NEDD9: variants seen among roughly 807,000 people sequenced by gnomAD.
The protein encoded by NEDD9 is enhancer of filamentation 1.
In NEDD9, 26 loss-of-function variants were observed where a neutral mutation model predicts 76.6. The ratio of observed to expected loss-of-function variants is 0.34; its 90% CI spans 0.25 to 0.47. The LOEUF (loss-of-function observed/expected upper bound fraction) is 0.47. Among genes scored for constraint, NEDD9 ranks in the 20% least tolerant of loss-of-function variants. The pLI, the probability that NEDD9 is intolerant of heterozygous loss-of-function variation, is 1.00. For synonymous variants in NEDD9, 392 were observed against 414.2 expected (o/e 0.95, Z 0.65); for missense variants, 937 against 1,058.5 (o/e 0.89, Z 1.59).
Position 11,285,817 on chromosome 6 carries a change from G to A in NEDD9, c.12+20175C>T, listed in dbSNP as rs141166301. ...CACTTGGATATCAGTATTCAAAATA[G>A]TGCACTTCAGTTCATATCTTTCATT... On this transcript the variant is annotated intron_variant, in intron 3 of 3. Coordinates refer to the NEDD9 transcript ENST00000397378. Among the ~76,000 whole-genome samples the A allele has an allele frequency of 2.8e-3, 431 of 152,210 alleles. 4 individuals are homozygous for A. Among genetic ancestry groups the A allele is most frequent in the East Asian group, 2.1e-3 (11 of 5,188 alleles).
chr6:11,330,973 A>G (rs1328221408), intron 2 of NEDD9, among the ~76,000 whole-genome samples: 2 of 152,176 alleles, frequency 1.3e-5, no homozygotes, highest in Non-Finnish European at 2.9e-5. Context: ...CAAATGGAAT[A>G]TTGTGTAGAT....
At chr6:11,319,268 A>G (rs1275854684) in intron 2 of NEDD9, among the ~76,000 whole-genome samples, 1 of 152,204 alleles carries the variant, frequency 6.6e-6, no homozygotes, top group Non-Finnish European at 1.5e-5. Context: ...GTTCAGGGCC[A>G]ACGCCCTTTT....
chr6:11,215,322 G>C (rs1002531110), intron 1 of NEDD9, among the ~76,000 whole-genome samples: 5 of 152,162 alleles, frequency 3.3e-5, no homozygotes, highest in African/African-American at 1.2e-4. Flanking sequence ...AGAGGTGAGC[G>C]GCCAGGGAAG....
Position 11,190,714 on chromosome 6 carries a change from G to T in NEDD9, c.1155C>A (p.Thr385=). 1 of 1,614,170 alleles carries T rather than the reference G, an allele frequency of 6.2e-7. No homozygotes were observed. The highest frequency in any genetic ancestry group is 2.2e-5 in the East Asian group (1 of 44,880). ...STRSNMSTSS[T]SSKESSLSAS... ...CTGACAGTGAGGACTCCTTGGAGGAGGTGGAAGACGTGGACATGTTACTCC... is the reference window on the plus strand; with the variant it reads ...CTGACAGTGAGGACTCCTTGGAGGATGTGGAAGACGTGGACATGTTACTCC... Residue 385 remains threonine (T), a synonymous_variant, in exon 5 of 7, where the codon ACC becomes ACA. Coordinates refer to ENST00000379446, the MANE Select transcript of NEDD9 (RefSeq NM_006403.4). The surrounding 1 kb of genome is among the most constrained non-coding windows in gnomAD (Gnocchi z 5.8).
At chr6:11,342,699 T>C (rs1226590013) in intron 1 of NEDD9, among the ~76,000 whole-genome samples, 1 of 152,158 alleles carries the variant, frequency 6.6e-6, no homozygotes, top group Non-Finnish European at 1.5e-5. Context: ...AAGAGAATAG[T>C]ACCAGGAAGA....
intron 3 of NEDD9, among the ~76,000 whole-genome samples, chr6:11,277,056 G>T (rs1049571431): frequency 2.0e-5 from 3 of 150,890 alleles, no homozygotes; most frequent in African/African-American, 7.4e-5. Flanking sequence ...GGGCTCTGAT[G>T]CCCGGGGGGT....
At chr6:11,299,470 C>T (rs139140712) in intron 3 of NEDD9, among the ~76,000 whole-genome samples, 5,431 of 152,302 alleles carry the variant, frequency 0.036, 198 homozygotes, top group African/African-American at 0.089. Context: ...CAGACTTAAA[C>T]GTCCCTGTCT....
rs1440720421 is a variant in NEDD9, at chr6:11,192,179, T to C, written c.663+166A>G. 2.6e-5 allele frequency among the ~76,000 whole-genome samples: 4 copies of C among 152,312 alleles called. No homozygotes were observed. In the East Asian group the frequency reaches 7.7e-4, roughly 29 times the overall value. ...CTATCTTTAATTAGTGCCTTTCCTT[T>C]TTTGCTTCCTTCCTTTACTCTCACC... On this transcript the variant is annotated intron_variant, in intron 4 of 6. Coordinates refer to ENST00000379446, the MANE Select transcript of NEDD9 (RefSeq NM_006403.4).
intron 3 of NEDD9, among the ~76,000 whole-genome samples, chr6:11,302,703 G>T (rs573212645): frequency 6.6e-6 from 1 of 152,200 alleles, no homozygotes; most frequent in South Asian, 2.1e-4. Context: ...ATGCAAGGCT[G>T]GTTCAACATA....
chr6:11,361,371 G>T (rs184988459), intron 1 of NEDD9, among the ~76,000 whole-genome samples: 2 of 152,280 alleles, frequency 1.3e-5, no homozygotes, highest in East Asian at 3.9e-4. Flanking sequence ...TTCTGGGGAG[G>T]TCTCAGGAGG....
chr6:11,367,186 A>G (rs868335582), intron 1 of NEDD9, among the ~76,000 whole-genome samples: 1 of 152,352 alleles, frequency 6.6e-6, no homozygotes, highest in South Asian at 2.1e-4. Flanking sequence ...TGTCTGGTTA[A>G]AATCACACAC....
intron 2 of NEDD9, among the ~76,000 whole-genome samples, chr6:11,211,095 C>T (rs936643411): frequency 2.0e-5 from 3 of 152,200 alleles, no homozygotes; most frequent in Admixed American, 6.5e-5. Flanking sequence ...AGTTGATTTC[C>T]TCCTGCAGGA....
intron 3 of NEDD9, among the ~76,000 whole-genome samples, chr6:11,270,999 T>G (rs1036860760): frequency 1.3e-5 from 2 of 152,170 alleles, no homozygotes; most frequent in Non-Finnish European, 2.9e-5. Context: ...CAGTCAAGTA[T>G]CACTCTTTTT....
intron 2 of NEDD9, among the ~76,000 whole-genome samples, chr6:11,197,167 G>A (rs577006962): frequency 7.2e-5 from 11 of 152,172 alleles, no homozygotes; most frequent in African/African-American, 2.4e-4. Context: ...AGGCATTAAA[G>A]GAATTGCTAC....
intron 2 of NEDD9, among the ~76,000 whole-genome samples, chr6:11,309,982 G>C (rs1761316337): frequency 6.6e-6 from 1 of 152,192 alleles, no homozygotes. Context: ...AGAGAAATGA[G>C]CTGACTGATC....
chr6:11,323,275 C>T (rs961514005), intron 2 of NEDD9, among the ~76,000 whole-genome samples: 1 of 152,216 alleles, frequency 6.6e-6, no homozygotes, highest in African/African-American at 2.4e-5. Flanking sequence ...CTTTACTATA[C>T]CCCCAGGCCT....
At chr6:11,377,435 T>A (rs115867673) in intron 1 of NEDD9, among the ~76,000 whole-genome samples, 333 of 152,378 alleles carry the variant, frequency 2.2e-3, no homozygotes, top group African/African-American at 7.6e-3. Flanking sequence ...GCCCTAAATG[T>A]AGGACTTGGA....
chr6:11,240,051 A>G (rs1475762549), intron 3 of NEDD9, among the ~76,000 whole-genome samples: 1 of 151,792 alleles, frequency 6.6e-6, no homozygotes, highest in Non-Finnish European at 1.5e-5. Flanking sequence ...TCAAAAAAAA[A>G]AAAAAAAAAA....
At position 11,190,095 on chromosome 6, in the gene NEDD9, C is replaced by T. The variant is rs1306395979; in HGVS notation, c.1774G>A (p.Gly592Ser). Reference protein sequence around the residue: ...GGSQGQLLHPGDHKAQAHNKA... With the variant: ...GGSQGQLLHPSDHKAQAHNKA... ...TTGTGGGCCTGGGCCTTGTGGTCACCAGGATGCAGCAGCTGTCCCTGGGAG... is the reference window on the plus strand; with the variant it reads ...TTGTGGGCCTGGGCCTTGTGGTCACTAGGATGCAGCAGCTGTCCCTGGGAG... The change falls in exon 5 of 7, where the codon GGT (glycine) becomes AGT (serine). Residue 592 changes from glycine (G) to serine (S), a missense_variant. Coordinates refer to ENST00000379446, the MANE Select transcript of NEDD9 (RefSeq NM_006403.4). This position sits in a 1 kb window ranked among gnomAD's most constrained non-coding sequence, Gnocchi z 5.8. The T allele has an allele frequency of 6.2e-7, 1 of 1,609,566 alleles. No individual in the cohort carries two copies.
Sources: gnomAD v4.1 joint callset for allele counts (sites outside exome capture counted in the v4.1 genomes callset) on GRCh38, gnomAD v4.1.1 for gene constraint, Gnocchi (gnomAD v3.1) non-coding constraint, MANE v1.5 for transcripts, NCBI Gene and HGNC (gene_info 2026-07-23, HGNC 2026-07-21) for gene names.